ELF2: variants seen among roughly 807,000 people sequenced by gnomAD.
ELF2 encodes the protein E74 like ETS transcription factor 2.
In ELF2, 11 loss-of-function variants were observed where a neutral mutation model predicts 54.8. That is an observed-to-expected ratio of 0.20 (90% CI 0.13 to 0.33). The LOEUF (loss-of-function observed/expected upper bound fraction) is 0.33, where lower values mean the gene tolerates loss of function less well. ELF2 is among the 10% of genes least tolerant of loss of function. The probability of loss-of-function intolerance (pLI) is 1.00; values close to 1 mark genes in which losing one functional copy is unlikely to be tolerated. For missense variants in ELF2, 513 were observed against 703.0 expected (o/e 0.73, Z 3.06); for synonymous variants, 203 against 245.1 (o/e 0.83, Z 1.61).
At chr4:139,100,727 A>G (rs1733797931) in intron 4 of ELF2, 3 of 152,274 alleles carry the variant, frequency 2.0e-5, no homozygotes, top group Non-Finnish European at 4.4e-5. Context: ...AGTGAAAACA[A>G]TTTAAAAATA....
At chr4:139,084,520 A>C (rs1423664559) in intron 4 of ELF2, 2 of 739,772 alleles carry the variant, frequency 2.7e-6, no homozygotes, top group East Asian at 1.8e-4. Flanking sequence ...GCGCCCAAAC[A>C]GGAAGTCCCG....
chr4:139,069,617 AT>A (rs2148686746), intron 6 of ELF2, among the ~76,000 whole-genome samples: 1 of 150,090 alleles, frequency 6.7e-6, no homozygotes, highest in African/African-American at 2.5e-5. Context: ...TTCTATAGTC[AT>A]ATTAACTTTT....
chr4:139,145,398 C>A (rs950977496), intron 1 of ELF2, among the ~76,000 whole-genome samples: 3 of 152,288 alleles, frequency 2.0e-5, no homozygotes, highest in Non-Finnish European at 2.9e-5. Context: ...CAGAATCAGC[C>A]TGGAATGTGG....
At chr4:139,164,433 C>T (rs1017832254) in intron 1 of ELF2, among the ~76,000 whole-genome samples, 19 of 151,994 alleles carry the variant, frequency 1.3e-4, no homozygotes, top group Admixed American at 7.2e-4. Context: ...GTCAGGAGTT[C>T]GAGACCAGCC....
chr4:139,177,399 G>A (rs1312808890), upstream of ELF2, among the ~76,000 whole-genome samples: 3 of 151,956 alleles, frequency 2.0e-5, no homozygotes, highest in South Asian at 2.1e-4. Context: ...GCCAGTCACC[G>A]CAGCGCCTGT....
chr4:139,085,509 A>G (rs1731884335), intron 4 of ELF2, among the ~76,000 whole-genome samples: 1 of 152,242 alleles, frequency 6.6e-6, no homozygotes, highest in South Asian at 2.1e-4. Flanking sequence ...ATCATCTTAT[A>G]AAAGCTTGCC....
chr4:139,066,229 T>G (rs1728688364), intron 7 of ELF2: 1 of 152,068 alleles, frequency 6.6e-6, no homozygotes, highest in Admixed American at 6.5e-5. Context: ...ATGAAAGTGA[T>G]AAATTTTCGG....
At chr4:139,177,436 CG>C (rs1048302510), upstream of ELF2, among the ~76,000 whole-genome samples, 2 of 151,870 alleles carry the variant, frequency 1.3e-5, no homozygotes, top group African/African-American at 4.8e-5. Flanking sequence ...ATTTATACCC[CG>C]CGGGGCCCCG....
At chr4:139,059,849 CTTTT>C (rs780513254) in intron 9 of ELF2, among the ~76,000 whole-genome samples, 7 of 141,974 alleles carry the variant, frequency 4.9e-5, no homozygotes, top group Non-Finnish European at 3.1e-5. Context: ...AAGACATCTA[CTTTT>C]TTTTTTTTTT....
At chr4:139,129,350 C>T (rs1235630293) in intron 3 of ELF2, among the ~76,000 whole-genome samples, 1 of 152,214 alleles carries the variant, frequency 6.6e-6, no homozygotes, top group Non-Finnish European at 1.5e-5. Context: ...TTGCCCTATA[C>T]TACCTTCTCA....
chr4:139,157,796 C>A (rs1740695504), intron 1 of ELF2, among the ~76,000 whole-genome samples: 1 of 152,198 alleles, frequency 6.6e-6, no homozygotes, highest in African/African-American at 2.4e-5. Context: ...GGTTCCCAGG[C>A]ATAACCTAAT....
At chr4:139,173,618 C>A (rs565962041) in intron 1 of ELF2, among the ~76,000 whole-genome samples, 1 of 150,980 alleles carries the variant, frequency 6.6e-6, no homozygotes, top group Non-Finnish European at 1.5e-5. Context: ...ATTAGCCGGG[C>A]GTGGTGGCAC....
chr4:139,136,636 T>C (rs925997232), intron 3 of ELF2: 5 of 151,776 alleles, frequency 3.3e-5, no homozygotes, highest in African/African-American at 4.8e-5. Flanking sequence ...GCTATTGAAT[T>C]ATAATTAGAT....
At chr4:139,162,585 A>G (rs1169237694) in intron 1 of ELF2, among the ~76,000 whole-genome samples, 2 of 152,230 alleles carry the variant, frequency 1.3e-5, no homozygotes, top group Non-Finnish European at 2.9e-5. Context: ...ATGTTTATAA[A>G]TGAACTTTTC....
intron 1 of ELF2, among the ~76,000 whole-genome samples, chr4:139,150,200 T>C (rs996724279): frequency 2.0e-5 from 3 of 151,942 alleles, no homozygotes; most frequent in African/African-American, 4.8e-5. Flanking sequence ...AAAATGTCTC[T>C]ACTAAAAATA....
At chr4:139,067,585 A>C (rs770307626) in intron 7 of ELF2, 99 bp downstream of exon 7, 8 of 1,219,834 alleles carry the variant, frequency 6.6e-6, no homozygotes, top group African/African-American at 1.5e-5. Context: ...CAGTATTCTC[A>C]TATGTGCATG....
intron 4 of ELF2, chr4:139,115,239 G>A (rs1329143497): frequency 3.7e-6 from 6 of 1,610,196 alleles, no homozygotes; most frequent in African/African-American, 1.3e-5. Flanking sequence ...GGCCCTCATC[G>A]TCCGCGCCGC....
At chr4:139,115,999 G>A (rs546921212) in intron 4 of ELF2, among the ~76,000 whole-genome samples, 1 of 151,898 alleles carries the variant, frequency 6.6e-6, no homozygotes, top group Non-Finnish European at 1.5e-5. Context: ...CCACCACCAC[G>A]CCTGGCTAAT....
In ELF2 at chr4:139,059,392, T is replaced by C; in HGVS notation, c.1373A>G (p.Lys458Arg). Residue 458 changes from lysine to arginine, a missense_variant, in exon 10 of 10, where the codon AAA (lysine) becomes AGA (arginine). Physicochemically the swap from Lys to Arg is conservative, Grantham distance 26 (BLOSUM62 2). Coordinates refer to ENST00000686138, the MANE Select transcript of ELF2 (RefSeq NM_001331036.3). Reference sequence around the variant, plus strand: ...CTGTGTAGCTGGGATGGTAATAATTTTGGCAGGCTGCATGGTGATTTTGTC... The same window carrying C: ...CTGTGTAGCTGGGATGGTAATAATTCTGGCAGGCTGCATGGTGATTTTGTC... ...NGDKITMQPA[K>R]IITIPATQLA... The C allele has an allele frequency of 1.2e-6, 2 of 1,613,960 alleles. No homozygotes were observed. The highest frequency in any genetic ancestry group is 8.5e-7 in the Non-Finnish European group (1 of 1,179,854).
Sources: gnomAD v4.1 joint callset for allele counts (sites outside exome capture counted in the v4.1 genomes callset) on GRCh38, gnomAD v4.1.1 for gene constraint, MANE v1.5 for transcripts, NCBI Gene and HGNC (gene_info 2026-07-23, HGNC 2026-07-21) for gene names.